The following MYOCD variants were observed in gnomAD, a reference collection of about 807,000 sequenced individuals.
The protein encoded by MYOCD is myocardin.
Under a neutral mutation model 96.1 loss-of-function variants are expected in MYOCD, and 32 were observed. That is an observed-to-expected ratio of 0.33 (90% CI 0.25 to 0.45). The LOEUF (loss-of-function observed/expected upper bound fraction) is 0.45, where lower values mean the gene tolerates loss of function less well. Among genes scored for constraint, MYOCD ranks in the 20% least tolerant of loss-of-function variants. The pLI is 1.00. For synonymous variants in MYOCD, 469 were observed against 469.0 expected (o/e 1.00, Z 0.00); for missense variants, 1,133 against 1,200.6 (o/e 0.94, Z 0.83).
intron 1 of MYOCD, 55 bp downstream of exon 1, chr17:12,666,298 A>G (rs1036274250): frequency 4.1e-6 from 5 of 1,228,194 alleles, no homozygotes; most frequent in Non-Finnish European, 6.0e-6. Context: ...TGCAATTCTC[A>G]ACTCTAGAAC....
intron 12 of MYOCD, among the ~76,000 whole-genome samples, chr17:12,759,568 T>C (rs537247658): frequency 7.2e-5 from 11 of 152,326 alleles, no homozygotes; most frequent in African/African-American, 1.9e-4. Flanking sequence ...GATGGATATA[T>C]GCCTTTGTTC....
chr17:12,668,708 T>C (rs1179539189), intron 1 of MYOCD, among the ~76,000 whole-genome samples: 5 of 152,068 alleles, frequency 3.3e-5, no homozygotes, highest in Non-Finnish European at 7.4e-5. Flanking sequence ...GCTTACTAGC[T>C]ACATGACCCT....
At chr17:12,693,772 G>C (rs2030602171) in intron 1 of MYOCD, among the ~76,000 whole-genome samples, 1 of 151,804 alleles carries the variant, frequency 6.6e-6, no homozygotes, top group South Asian at 2.1e-4. Context: ...ATTCAAATGA[G>C]GAAATCAGAA....
intron 1 of MYOCD, among the ~76,000 whole-genome samples, chr17:12,691,813 A>T (rs1178686831): frequency 6.6e-6 from 1 of 152,202 alleles, no homozygotes; most frequent in East Asian, 1.9e-4. Context: ...TGCCTGCCTA[A>T]GTTTATAACT....
intron 10 of MYOCD, among the ~76,000 whole-genome samples, chr17:12,755,790 T>G (rs2032995622): frequency 6.6e-6 from 1 of 152,108 alleles, no homozygotes. Context: ...GGGAATAGCC[T>G]GAACCTGGGA....
At chr17:12,682,873 C>A (rs1454092440) in intron 1 of MYOCD, among the ~76,000 whole-genome samples, 2 of 152,174 alleles carry the variant, frequency 1.3e-5, no homozygotes, top group African/African-American at 4.8e-5. Flanking sequence ...CCACGGGATG[C>A]CCCTCTTCAA....
chr17:12,750,712 G>GC (rs2032828508), intron 9 of MYOCD, among the ~76,000 whole-genome samples: 1 of 150,226 alleles, frequency 6.7e-6, no homozygotes, highest in African/African-American at 2.4e-5. Context: ...TTTAATTTTT[G>GC]CCGCTACTTA....
chr17:12,688,963 G>T (rs1157664090), intron 1 of MYOCD, among the ~76,000 whole-genome samples: 2 of 152,100 alleles, frequency 1.3e-5, no homozygotes, highest in African/African-American at 2.4e-5. Flanking sequence ...GAATTAATTA[G>T]TTGTCAGTGG....
At chr17:12,702,017 C>T (rs2031095958) in intron 1 of MYOCD, among the ~76,000 whole-genome samples, 1 of 151,980 alleles carries the variant, frequency 6.6e-6, no homozygotes, top group African/African-American at 2.4e-5. Flanking sequence ...GTTTATTCTG[C>T]AGTTGTTAGG....
At chr17:12,700,963 A>G (rs2031044636) in intron 1 of MYOCD, among the ~76,000 whole-genome samples, 1 of 152,134 alleles carries the variant, frequency 6.6e-6, no homozygotes, top group South Asian at 2.1e-4. Context: ...ACATATTGCT[A>G]TTCAGATTTT....
At chr17:12,734,842 T>C (rs1411829020) in intron 5 of MYOCD, among the ~76,000 whole-genome samples, 1 of 152,204 alleles carries the variant, frequency 6.6e-6, no homozygotes, top group Admixed American at 6.5e-5. Context: ...TGAATTTCTA[T>C]GATGAACATG....
intron 1 of MYOCD, 23 bp from the exon 2 acceptor site, chr17:12,705,104 CA>C (rs754644916): frequency 6.4e-7 from 1 of 1,561,442 alleles, no homozygotes; most frequent in Non-Finnish European, 8.8e-7. Flanking sequence ...GCCCAACTCA[CA>C]AACTAACACT....
intron 1 of MYOCD, among the ~76,000 whole-genome samples, chr17:12,684,055 A>G (rs2029955729): frequency 3.9e-5 from 6 of 152,136 alleles, no homozygotes; most frequent in Admixed American, 3.9e-4. Flanking sequence ...CTGATCAAAG[A>G]GTGTGTCATA....
At chr17:12,688,452 C>G (rs1046220859) in intron 1 of MYOCD, among the ~76,000 whole-genome samples, 1 of 151,326 alleles carries the variant, frequency 6.6e-6, no homozygotes, top group Admixed American at 6.6e-5. Flanking sequence ...CCTTCCATCT[C>G]CTTCCTTCCT....
intron 9 of MYOCD, 83 bp downstream of exon 9, chr17:12,746,155 C>A: frequency 7.0e-7 from 1 of 1,430,698 alleles, no homozygotes; most frequent in Non-Finnish European, 9.6e-7. Flanking sequence ...CAACTGATAT[C>A]TGGAGTAAGA....
intron 13 of MYOCD, chr17:12,761,392 C>T (rs1014227625): frequency 9.9e-5 from 14 of 141,558 alleles, no homozygotes; most frequent in African/African-American, 3.4e-4. Context: ...CAGGCGTTGT[C>T]ATAGTCTCCG....
intron 1 of MYOCD, among the ~76,000 whole-genome samples, chr17:12,667,072 T>C (rs563212040): frequency 6.6e-6 from 1 of 152,350 alleles, no homozygotes; most frequent in African/African-American, 2.4e-5. Flanking sequence ...CACTCAACAA[T>C]GTAGGACTTC....
At chr17:12,743,441 TTAAG>T (rs1410917153) in intron 7 of MYOCD, among the ~76,000 whole-genome samples, 1 of 151,908 alleles carries the variant, frequency 6.6e-6, no homozygotes, top group Non-Finnish European at 1.5e-5. Context: ...AGTCGACTTA[TTAAG>T]TGTTTAACTA....
chr17:12,722,949 T>A lies in MYOCD; in HGVS notation c.356T>A (p.Leu119Gln). Residue 119 changes from leucine to glutamine, a missense_variant, in exon 5 of 14, where the codon CTG (leucine) becomes CAG (glutamine). Transcript: ENST00000425538. ...AAAATTGCTCTACGACCAGGGCCAC[T>A]GGAGCTGGTGGAAAAAAACATTCTT... is the stretch of plus-strand genomic sequence containing the variant. ...NEKIALRPGP[L>Q]ELVEKNILPV... 6.2e-7 allele frequency: 1 copy of A among 1,613,998 alleles called. No homozygotes were observed. The highest frequency in any genetic ancestry group is 8.5e-7 in the Non-Finnish European group (1 of 1,179,978).
Sources: allele counts gnomAD v4.1 joint callset (sites outside exome capture counted in the v4.1 genomes callset), GRCh38; gene constraint gnomAD v4.1.1; transcripts MANE v1.5; gene names NCBI Gene and HGNC (gene_info 2026-07-23, HGNC 2026-07-21).